ANKS1B: variants seen among roughly 807,000 people sequenced by gnomAD.
ANKS1B encodes ankyrin repeat and sterile alpha motif domain containing 1B.
ANKS1B carries 36 observed loss-of-function variants against 148.3 expected under a neutral mutation model. The observed-to-expected ratio is 0.24, with a 90% CI of 0.19 to 0.32. The LOEUF (loss-of-function observed/expected upper bound fraction) is 0.32, where lower values mean the gene tolerates loss of function less well. ANKS1B is among the 10% of genes least tolerant of loss of function. ANKS1B has a pLI of 1.00. For synonymous variants in ANKS1B, 542 were observed against 560.8 expected (o/e 0.97, Z 0.47); for missense variants, 1,157 against 1,542.6 (o/e 0.75, Z 4.19).
At chr12:99,627,146 T>C (rs1259041735) in intron 9 of ANKS1B, among the ~76,000 whole-genome samples, 1 of 152,216 alleles carries the variant, frequency 6.6e-6, no homozygotes, top group Non-Finnish European at 1.5e-5. Context: ...AATATAGCTA[T>C]ATTTTTGCTG....
chr12:99,674,297 T>C (rs559589800), intron 8 of ANKS1B, among the ~76,000 whole-genome samples: 1 of 151,952 alleles, frequency 6.6e-6, no homozygotes, highest in East Asian at 1.9e-4. Flanking sequence ...TCATATTTTA[T>C]TATATCTAAG....
intron 17 of ANKS1B, among the ~76,000 whole-genome samples, chr12:99,006,814 T>C (rs2099936397): frequency 6.6e-6 from 1 of 152,206 alleles, no homozygotes; most frequent in Non-Finnish European, 1.5e-5. Context: ...ATAACTTATT[T>C]CATATACTCT....
chr12:98,858,284 A>G (rs1296824233), intron 17 of ANKS1B, among the ~76,000 whole-genome samples: 1 of 152,204 alleles, frequency 6.6e-6, no homozygotes, highest in African/African-American at 2.4e-5. Flanking sequence ...AGAGTAGAAG[A>G]GAAAGGTAAG....
At chr12:99,347,121 T>G (rs967719980) in intron 12 of ANKS1B, among the ~76,000 whole-genome samples, 14 of 152,070 alleles carry the variant, frequency 9.2e-5, no homozygotes, top group African/African-American at 3.1e-4. Flanking sequence ...CACAGGGGAC[T>G]TGCCTTTATT....
chr12:99,093,094 T>A (rs944740734), intron 15 of ANKS1B, among the ~76,000 whole-genome samples: 1 of 152,206 alleles, frequency 6.6e-6, no homozygotes, highest in Non-Finnish European at 1.5e-5. Flanking sequence ...TCCATAGATA[T>A]GTAACGTTAC....
chr12:98,809,539 G>C (rs955123077), intron 19 of ANKS1B, among the ~76,000 whole-genome samples: 2 of 152,104 alleles, frequency 1.3e-5, no homozygotes, highest in African/African-American at 4.8e-5. Context: ...TGAAGACACA[G>C]ACATTTAAAG....
chr12:99,933,014 G>A (rs915803152), intron 1 of ANKS1B, among the ~76,000 whole-genome samples: 3 of 152,094 alleles, frequency 2.0e-5, no homozygotes, highest in Non-Finnish European at 4.4e-5. Flanking sequence ...ATTTACTGAA[G>A]AGACTGTCTT....
At chr12:99,523,551 CTTTTTTTTTTTT>C (rs71088130) in intron 9 of ANKS1B, among the ~76,000 whole-genome samples, 1 of 119,640 alleles carries the variant, frequency 8.4e-6, no homozygotes, top group African/African-American at 3.3e-5. Flanking sequence ...AAGGCATCTT[CTTTTTTTTTTTT>C]TTTTTTTTGA....
chr12:99,564,823 A>G (rs1011857040), intron 9 of ANKS1B, among the ~76,000 whole-genome samples: 20 of 152,118 alleles, frequency 1.3e-4, no homozygotes, highest in African/African-American at 4.8e-4. Context: ...ATTCATTACC[A>G]CTGCTTTTAC....
intron 19 of ANKS1B, among the ~76,000 whole-genome samples, chr12:98,809,706 C>T (rs531833291): frequency 1.3e-5 from 2 of 152,240 alleles, no homozygotes; most frequent in Admixed American, 6.5e-5. Context: ...CTGAAATGAA[C>T]AGAAACTAAA....
At chr12:99,357,734 C>A (rs2092133963) in intron 12 of ANKS1B, among the ~76,000 whole-genome samples, 1 of 151,984 alleles carries the variant, frequency 6.6e-6, no homozygotes, top group Non-Finnish European at 1.5e-5. Flanking sequence ...GGTGAAAAAA[C>A]CCTCATATAT....
chr12:99,139,848 C>T (rs1009134291), intron 15 of ANKS1B, among the ~76,000 whole-genome samples: 2 of 151,988 alleles, frequency 1.3e-5, no homozygotes, highest in Non-Finnish European at 2.9e-5. Flanking sequence ...TCCTGGGATC[C>T]ATTCAAAAGG....
intron 9 of ANKS1B, among the ~76,000 whole-genome samples, chr12:99,600,498 G>A (rs2097791949): frequency 6.6e-6 from 1 of 152,038 alleles, no homozygotes; most frequent in Non-Finnish European, 1.5e-5. Flanking sequence ...GCACCAGGCA[G>A]TGACTGAGAA....
chr12:98,895,002 C>CGGT, intron 17 of ANKS1B: 3 of 812,920 alleles, frequency 3.7e-6, no homozygotes, highest in Non-Finnish European at 4.4e-6. Flanking sequence ...GCGGCGGCGG[C>CGGT]GGCGGCGCGT....
At chr12:98,882,107 T>C (rs1049444963) in intron 17 of ANKS1B, among the ~76,000 whole-genome samples, 4 of 152,142 alleles carry the variant, frequency 2.6e-5, no homozygotes, top group Admixed American at 2.6e-4. Flanking sequence ...GAGATACCAT[T>C]GCTGATTACA....
At chr12:99,644,108 C>A (rs369379238) in intron 9 of ANKS1B, among the ~76,000 whole-genome samples, 1 of 152,150 alleles carries the variant, frequency 6.6e-6, no homozygotes. Context: ...ACCTCCAACA[C>A]TTTATCTAGA....
Position 99,246,570 on chromosome 12 carries a change from T to A in ANKS1B, c.2051A>T (p.His684Leu), listed in dbSNP as rs1340222267. Residue 684 changes from histidine to leucine, a missense_variant, in exon 13 of 27, where the codon CAT becomes CTT. Transcript: ENST00000683438. ...GGTTGATCTTGTGCCAACAATGGTA[T>A]GGTTTTCGAGTTGGTTGCTTTTTTT... ...FHKKSNQLEN[H>L]TIVGTRSTRS... The A allele has an allele frequency of 3.7e-6, 6 of 1,613,746 alleles. No homozygotes were observed. The highest frequency in any genetic ancestry group is 5.1e-6 in the Non-Finnish European group (6 of 1,179,842).
intron 17 of ANKS1B, among the ~76,000 whole-genome samples, chr12:98,948,205 T>C (rs1045042628): frequency 6.6e-6 from 1 of 152,246 alleles, no homozygotes; most frequent in African/African-American, 2.4e-5. Context: ...TGTATCTTTC[T>C]ACCTGATTGT....
chr12:99,819,936 G>A (rs559511451), intron 2 of ANKS1B, among the ~76,000 whole-genome samples: 1 of 151,530 alleles, frequency 6.6e-6, no homozygotes, highest in South Asian at 2.1e-4. Context: ...TAGAGAGGAA[G>A]GCAGGTAGTC....
Sources: allele counts gnomAD v4.1 joint callset (sites outside exome capture counted in the v4.1 genomes callset), GRCh38; gene constraint gnomAD v4.1.1; transcripts MANE v1.5; gene names NCBI Gene and HGNC (gene_info 2026-07-23, HGNC 2026-07-21).